Variants in SLC5A5 observed in about 807,000 individuals in gnomAD.
SLC5A5 encodes solute carrier family 5 member 5, also known as sodium/iodide cotransporter.
SLC5A5 carries 56 observed loss-of-function variants against 68.6 expected under a neutral mutation model. The observed-to-expected ratio is 0.82, with a 90% CI of 0.66 to 1.02. The LOEUF (loss-of-function observed/expected upper bound fraction) is 1.02, where lower values mean the gene tolerates loss of function less well. Ranked by LOEUF, SLC5A5 falls within the 50% of genes least tolerant of loss-of-function variation. The pLI, the probability that SLC5A5 is intolerant of heterozygous loss-of-function variation, is 0.00. For missense variants in SLC5A5, 807 were observed against 859.8 expected, an observed-to-expected ratio of 0.94 and a Z score of 0.77; for synonymous variants, 398 against 373.0, an observed-to-expected ratio of 1.07 and a Z score of -0.77.
chr19:17,878,139 G>A (rs780936926), intron 7 of SLC5A5, 46 bp downstream of exon 7: 1 of 1,598,268 alleles, frequency 6.3e-7, no homozygotes, highest in Non-Finnish European at 8.5e-7. Flanking sequence ...TCCCTCACTA[G>A]CTTGGTGGGA....
In SLC5A5 at chr19:17,875,965, C is replaced by T; in HGVS notation, c.557C>T (p.Ala186Val). 2 of 1,614,156 alleles carry T rather than the reference C, an allele frequency of 1.2e-6. No homozygotes were observed. The highest frequency in any genetic ancestry group is 1.7e-6 in the Non-Finnish European group (2 of 1,180,026). Residue 186 changes from alanine (A) to valine (V), a missense_variant, in exon 5 of 15, where the codon GCT (alanine) becomes GTT (valine). Coordinates refer to ENST00000222248, the MANE Select transcript of SLC5A5 (RefSeq NM_000453.3). Reference sequence around the variant, plus strand: ...CCCATGCTGCAGGGCGGCATGAAGGCTGTGGTCTGGACTGATGTGTTCCAG... The same window carrying T: ...CCCATGCTGCAGGGCGGCATGAAGGTTGTGGTCTGGACTGATGTGTTCCAG... ...TFYTAVGGMK[A>V]VVWTDVFQVV...
intron 13 of SLC5A5, among the ~76,000 whole-genome samples, chr19:17,888,797 T>C (rs1321456487): frequency 6.6e-6 from 1 of 151,634 alleles, no homozygotes; most frequent in Non-Finnish European, 1.5e-5. Context: ...CATGCTTGGC[T>C]AATTTTGCAT....
chr19:17,884,125 C>A (rs1182231218), intron 12 of SLC5A5, 79 bp downstream of exon 12: 1 of 1,252,828 alleles, frequency 8.0e-7, no homozygotes, highest in South Asian at 1.3e-5. Context: ...GCCCTGCACT[C>A]TGTGTAAGAA....
Position 17,883,773 on chromosome 19 carries a change from T to TGGGGGCGGGGCA in SLC5A5, c.1329+7_1329+18dup. 2.7e-6 allele frequency: 1 copy of TGGGGGCGGGGCA among 370,248 alleles called. No individual in the cohort carries two copies. 22.9% of individuals were successfully genotyped at this position (370,248 alleles called of 1,614,324 possible). A position where few individuals can be genotyped will look rare whatever the true frequency, so the allele number is the denominator to read the frequency against. ...TGCCGGCCTGCAACACACCGGTGAG[T>TGGGGGCGGGGCA]GGGGGCGGGGCAAGGGGCGGGGAGG... On this transcript the variant is annotated splice_region_variant and intron_variant, in intron 11 of 14. Transcript: ENST00000222248.
At chr19:17,878,673 A>G (rs755025572) in intron 7 of SLC5A5, among the ~76,000 whole-genome samples, 49 of 152,074 alleles carry the variant, frequency 3.2e-4, no homozygotes, top group Non-Finnish European at 5.6e-4. Flanking sequence ...GATGCTCAGG[A>G]GGAGATGAAA....
chr19:17,879,299 A>T (rs2094315253), intron 7 of SLC5A5, among the ~76,000 whole-genome samples: 1 of 152,190 alleles, frequency 6.6e-6, no homozygotes, highest in Non-Finnish European at 1.5e-5. Flanking sequence ...GTCTCAAACA[A>T]AAATAAAAAC....
Position 17,880,123 on chromosome 19 carries a change from A to T in SLC5A5, c.970-742A>T, listed in dbSNP as rs184195698. On this transcript the variant is annotated intron_variant, in intron 7 of 14. Coordinates refer to ENST00000222248, the MANE Select transcript of SLC5A5 (RefSeq NM_000453.3). The stretch of plus-strand genomic sequence containing the variant: ...GCCATGTTGGCCAGGCTGGTCTCAA[A>T]CTCCTGACCTCAGGTGATCCACCTG... Among the ~76,000 whole-genome samples, 417 of 150,714 alleles carry T rather than the reference A, an allele frequency of 2.8e-3. 1 individual carries two copies. Among genetic ancestry groups the T allele is most frequent in the African/African-American group, 1.0e-2 (409 of 41,058 alleles).
chr19:17,874,692 C>G lies in SLC5A5; in HGVS notation c.504C>G (p.Leu168=), dbSNP rs766935521. The G allele has an allele frequency of 1.9e-5, 31 of 1,614,020 alleles. No homozygotes were observed. Among genetic ancestry groups the G allele is most frequent in the Non-Finnish European group, 2.5e-5 (29 of 1,180,032 alleles). ...CCGGGCTGGACATCTGGGCGTCGCT[C>G]CTGTCCACCGGAATTATCTGCACCT... ...QVTGLDIWAS[L]LSTGIICTFY... is the part of the protein sequence containing the mutation. Residue 168 remains leucine, a synonymous_variant, in exon 4 of 15, where the codon CTC becomes CTG. Coordinates refer to ENST00000222248, the MANE Select transcript of SLC5A5 (RefSeq NM_000453.3).
intron 3 of SLC5A5, 59 bp downstream of exon 3, chr19:17,874,604 AC>A: frequency 6.2e-7 from 1 of 1,612,090 alleles, no homozygotes; most frequent in Non-Finnish European, 8.5e-7. Flanking sequence ...GGAGAGGAGA[AC>A]CCAAGACTAA....
Position 17,883,881 on chromosome 19 carries a change from C to A in SLC5A5, c.1361C>A (p.Ala454Glu). 1 of 1,578,308 alleles carries A rather than the reference C, an allele frequency of 6.3e-7. No homozygotes were observed. The highest frequency in any genetic ancestry group is 8.6e-7 in the Non-Finnish European group (1 of 1,163,594). The change falls in exon 12 of 15, where the codon GCG (alanine) becomes GAG (glutamate). Residue 454 changes from alanine to glutamate, a missense_variant. Physicochemically the swap from Ala to Glu is moderately radical, Grantham distance 107. Coordinates refer to ENST00000222248, the MANE Select transcript of SLC5A5 (RefSeq NM_000453.3). ...GVLAGLGAGL[A>E]LSLWVALGAT... ...CTCGCGGGACTAGGCGCGGGCTTGGCGCTGTCGCTGTGGGTGGCCTTGGGC... is the reference window on the plus strand; with the variant it reads ...CTCGCGGGACTAGGCGCGGGCTTGGAGCTGTCGCTGTGGGTGGCCTTGGGC...
At chr19:17,874,781 T>C in intron 4 of SLC5A5, 50 bp downstream of exon 4, 4 of 1,570,104 alleles carry the variant, frequency 2.5e-6, no homozygotes, top group Admixed American at 3.4e-5. Context: ...GCCCACTGTG[T>C]CTCTTGTGGG....
chr19:17,891,146 C>T (rs1448044169), intron 14 of SLC5A5, 145 bp downstream of exon 14: 5 of 705,766 alleles, frequency 7.1e-6, no homozygotes, highest in Non-Finnish European at 1.3e-5. Flanking sequence ...GGAGCTGATT[C>T]ATCCTCAACA....
Position 17,883,785 on chromosome 19 carries a change from A to G in SLC5A5, c.1329+18A>G, listed in dbSNP as rs112076606. On this transcript the variant is annotated intron_variant, in intron 11 of 14. Transcript: ENST00000222248. ...ACACACCGGTGAGTGGGGGCGGGGCAAGGGGCGGGGAGGGGCGGGGCCGGA... is the reference window on the plus strand; with the variant it reads ...ACACACCGGTGAGTGGGGGCGGGGCGAGGGGCGGGGAGGGGCGGGGCCGGA... 9.6e-3 allele frequency: 11,592 copies of G among 1,206,290 alleles called. 591 individuals are homozygous for G. The African/African-American group carries it at 0.14, about 15-fold the overall frequency. The allele number at this position is 1,206,290 out of a possible 1,614,324, so 74.7% of individuals were successfully genotyped here.
intron 1 of SLC5A5, 85 bp from the exon 2 acceptor site, chr19:17,874,053 C>T (rs956893506): frequency 3.1e-6 from 3 of 961,504 alleles, no homozygotes; most frequent in African/African-American, 3.2e-5. Flanking sequence ...GAGGGAGGGG[C>T]CCACCTAGAG....
intron 12 of SLC5A5, among the ~76,000 whole-genome samples, chr19:17,884,792 G>T (rs371024853): frequency 6.6e-6 from 1 of 151,552 alleles, no homozygotes; most frequent in African/African-American, 2.4e-5. Context: ...AAATTAAAGT[G>T]GCATTTAGTA....
rs372277442 is a variant in SLC5A5 at position 17,875,993 on chromosome 19, C to T, written c.585C>T (p.Val195=). 5.6e-6 allele frequency: 9 copies of T among 1,614,078 alleles called. No individual in the cohort carries two copies. The highest frequency in any genetic ancestry group is 3.3e-5 in the South Asian group (3 of 91,080). The change falls in exon 5 of 15, where the codon GTC becomes GTT. Residue 195 remains valine, a synonymous_variant. Coordinates refer to ENST00000222248, the MANE Select transcript of SLC5A5 (RefSeq NM_000453.3). ...TGGTCTGGACTGATGTGTTCCAGGT[C>T]GTGGTGATGCTAAGTGGCTTCTGGG... ...KAVVWTDVFQ[V]VVMLSGFWVV...
In SLC5A5 at chr19:17,882,219, G is replaced by C; in HGVS notation, c.1242G>C (p.Gln414His). 1 of 1,613,076 alleles carries C rather than the reference G, an allele frequency of 6.2e-7. No individual in the cohort carries two copies. The highest frequency in any genetic ancestry group is 8.5e-7 in the Non-Finnish European group (1 of 1,179,680). ...CACTGCTCGGAGGAGGTGTCCTTCA[G>C]GTGAGACCCCACCTGCCCCCTGCCC... ...LSSLLGGGVL[Q>H]GSFTVMGVIS... The change falls in exon 10 of 15, where the codon CAG becomes CAC. Residue 414 changes from glutamine to histidine, a missense_variant and splice_region_variant. Physicochemically the swap from Gln to His is conservative, Grantham distance 24. Transcript: ENST00000222248.
At position 17,875,984 on chromosome 19, in the gene SLC5A5, G is replaced by A. The variant is rs1208405546; in HGVS notation, c.576G>A (p.Val192=). 5 of 1,614,030 alleles carry A rather than the reference G, an allele frequency of 3.1e-6. No individual in the cohort carries two copies. Among genetic ancestry groups the A allele is most frequent in the Admixed American group, 1.7e-5 (1 of 60,002 alleles). ...GGMKAVVWTD[V]FQVVVMLSGF... is the part of the protein sequence containing the mutation. The stretch of plus-strand genomic sequence containing the variant: ...TGAAGGCTGTGGTCTGGACTGATGT[G>A]TTCCAGGTCGTGGTGATGCTAAGTG... The change falls in exon 5 of 15, where the codon GTG becomes GTA. Residue 192 remains valine, a synonymous_variant. Transcript: ENST00000222248.
intron 14 of SLC5A5, among the ~76,000 whole-genome samples, chr19:17,892,530 G>A (rs2030212236): frequency 6.6e-6 from 1 of 151,906 alleles, no homozygotes; most frequent in African/African-American, 2.4e-5. Context: ...CCAGCTATTC[G>A]GAAGGCTGAG....
Sources: allele counts gnomAD v4.1 joint callset (sites outside exome capture counted in the v4.1 genomes callset), GRCh38; gene constraint gnomAD v4.1.1; transcripts MANE v1.5; gene names NCBI Gene and HGNC (gene_info 2026-07-23, HGNC 2026-07-21).